The following SETD1A variants were observed in gnomAD, a reference collection of about 807,000 sequenced individuals.
The protein encoded by SETD1A is SET domain containing 1A, histone lysine methyltransferase.
A neutral mutation model predicts 149.9 loss-of-function variants in SETD1A; 29 were observed. The ratio of observed to expected loss-of-function variants is 0.19; its 90% confidence interval spans 0.14 to 0.26. The LOEUF (loss-of-function observed/expected upper bound fraction) is 0.26, where lower values mean the gene tolerates loss of function less well. Ranked by LOEUF, SETD1A falls within the 10% of genes least tolerant of loss-of-function variation. The pLI is 1.00. For synonymous variants in SETD1A, 1,141 were observed against 968.5 expected (o/e 1.18, Z -3.31); for missense variants, 2,109 against 2,353.1 (o/e 0.90, Z 2.15).
chr16:30,975,395 T>C (rs2056273030), intron 13 of SETD1A, among the ~76,000 whole-genome samples: 2 of 151,960 alleles, frequency 1.3e-5, no homozygotes. Flanking sequence ...ATGTTGACAA[T>C]TCATTTTCTC....
rs921976674 is a variant in SETD1A, at chr16:30,980,503, C to A, written c.4427C>A (p.Pro1476Gln). ...VHHTITNLTT[P>Q]KRKRRPQDGP... ...CCTGCACTCACCAACCTGACCACCC[C>A]AAAACGCAAGCGGCGGCCCCAGGAT... Residue 1476 changes from proline (P) to glutamine (Q), a missense_variant, in exon 15 of 19, where the codon CCA (proline) becomes CAA (glutamine). Physicochemically the swap from Pro to Gln is moderately conservative, Grantham distance 76 (BLOSUM62 -1). Transcript: ENST00000262519. This position sits in a 1 kb window ranked among gnomAD's most constrained non-coding sequence, Gnocchi z 7.7. The A allele has an allele frequency of 2.5e-6, 4 of 1,613,714 alleles. No individual in the cohort carries two copies. The highest frequency in any genetic ancestry group is 3.4e-6 in the Non-Finnish European group (4 of 1,179,846).
At chr16:30,969,711 C>T (rs781627771) in intron 12 of SETD1A, 22 bp downstream of exon 12, 9 of 1,597,956 alleles carry the variant, frequency 5.6e-6, no homozygotes, top group Non-Finnish European at 7.7e-6. Context: ...ACAGTGAAAT[C>T]GACTTTGGGC....
rs2056424521 is a variant in SETD1A, at chr16:30,984,225, CT to C, written c.*203del. The C allele has an allele frequency of 1.7e-6, 1 of 576,080 alleles. No homozygotes were observed. The highest frequency in any genetic ancestry group is 3.1e-6 in the Non-Finnish European group (1 of 324,404). The allele number at this position is 576,080 out of a possible 1,614,324, so 35.7% of individuals were successfully genotyped here. On this transcript the variant is annotated 3_prime_UTR_variant, in exon 19 of 19. Transcript: ENST00000262519. Reference sequence around the variant, plus strand: ...TCCTGTCACCCCTGCCCACCACCCCCTGATTGTTTTTCTTTGCGGAGAAGAA... The same window carrying C: ...TCCTGTCACCCCTGCCCACCACCCCCGATTGTTTTTCTTTGCGGAGAAGAA...
At chr16:30,958,621 T>G in intron 1 of SETD1A, 96 bp from the exon 2 acceptor site, 1 of 1,073,802 alleles carries the variant, frequency 9.3e-7, no homozygotes, top group South Asian at 1.4e-5. Context: ...ACTGGAGTGA[T>G]GGGAGAACCT....
rs368580223 is a variant in SETD1A, at chr16:30,966,273, C to A, written c.2392C>A (p.Leu798Met). 31 of 1,613,808 alleles carry A rather than the reference C, an allele frequency of 1.9e-5. No homozygotes were observed. Among genetic ancestry groups the A allele is most frequent in the Non-Finnish European group, 2.6e-5 (31 of 1,180,022 alleles). The change falls in exon 8 of 19, where the codon CTG (leucine) becomes ATG (methionine). Residue 798 changes from leucine to methionine, a missense_variant. Leu to Met is a conservative substitution (Grantham distance 15). Around this residue, in one of 8 missense-constraint regions of SETD1A, gnomAD observed 22 missense variants for 51.3 expected, o/e 0.43. Transcript: ENST00000262519. Reference sequence around the variant, plus strand: ...CACCGTGGGCCGTGTGCTCGCCATGCTGGTCCAGGAGATGAAGAGCATCAT... The same window carrying A: ...CACCGTGGGCCGTGTGCTCGCCATGATGGTCCAGGAGATGAAGAGCATCAT... ...AGTVGRVLAM[L>M]VQEMKSIMQR... is the part of the protein sequence containing the mutation.
At chr16:30,981,261 G>A in intron 17 of SETD1A, 81 bp downstream of exon 17, 1 of 1,567,956 alleles carries the variant, frequency 6.4e-7, no homozygotes, top group Non-Finnish European at 8.7e-7. Context: ...TGTTTGTCCG[G>A]TTAAAGCCTT....
chr16:30,971,774 A>G, intron 13 of SETD1A, 55 bp downstream of exon 13: 2 of 1,500,678 alleles, frequency 1.3e-6, no homozygotes, highest in Non-Finnish European at 8.9e-7. Flanking sequence ...GAGAGAGAGA[A>G]AACAGTGGTG....
intron 10 of SETD1A, 72 bp downstream of exon 10, chr16:30,967,660 G>A: frequency 7.4e-7 from 1 of 1,356,262 alleles, no homozygotes; most frequent in Non-Finnish European, 1.1e-6. Context: ...AGGTAGGGAT[G>A]AAGGGGTCAG....
chr16:30,964,406 A>G lies in SETD1A; in HGVS notation c.869+83A>G, dbSNP rs1364012047. On this transcript the variant is annotated intron_variant, in intron 6 of 18. Coordinates refer to ENST00000262519, the MANE Select transcript of SETD1A (RefSeq NM_014712.3). ...AAGAAGATGCCCAGAGTCTGTCTCC[A>G]AGAGGGAGTTGGAAATAATTTGTCC... The G allele has an allele frequency of 5.9e-6, 8 of 1,363,164 alleles. No homozygotes were observed. The East Asian group carries it at 1.9e-4, about 32-fold the overall frequency. 84.4% of individuals were successfully genotyped at this position (1,363,164 alleles called of 1,614,324 possible). A position where few individuals can be genotyped will look rare whatever the true frequency, so the allele number is the denominator to read the frequency against.
In SETD1A at chr16:30,959,155, G is replaced by T. The variant is rs774708325; in HGVS notation, c.215G>T (p.Arg72Ile). 3 of 1,613,610 alleles carry T rather than the reference G, an allele frequency of 1.9e-6. No individual in the cohort carries two copies. Among genetic ancestry groups the T allele is most frequent in the Non-Finnish European group, 2.5e-6 (3 of 1,179,514 alleles). ...CGTTGCCATGTCAGGTCCAAAAACA[G>T]AGACTTTTCCCTCCCAGTCCCTAAG... ...DPRCHVRSKN[R>I]DFSLPVPKFK... Residue 72 changes from arginine (R) to isoleucine (I), a missense_variant, in exon 3 of 19, where the codon AGA becomes ATA. Arg to Ile is a moderately conservative substitution (Grantham distance 97). Transcript: ENST00000262519.
In SETD1A at chr16:30,969,595, T is replaced by G; in HGVS notation, c.2929-7T>G. On this transcript the variant is annotated splice_region_variant and splice_polypyrimidine_tract_variant and intron_variant, in intron 11 of 18. Transcript: ENST00000262519. ...CCTGTTAGTCCTCATTTGTCTTTTT[T>G]CTTAAGGATGAGGAGGATGACGAGG... 2 of 1,613,820 alleles carry G rather than the reference T, an allele frequency of 1.2e-6. No homozygotes were observed. The highest frequency in any genetic ancestry group is 1.7e-6 in the Non-Finnish European group (2 of 1,179,716).
At chr16:30,959,368 G>A (rs2143451486) in intron 3 of SETD1A, among the ~76,000 whole-genome samples, 182 bp downstream of exon 3, 2 of 152,314 alleles carry the variant, frequency 1.3e-5, no homozygotes, top group South Asian at 4.1e-4. Flanking sequence ...GAAAGGTGCA[G>A]GTCAGGTGTC....
intron 13 of SETD1A, among the ~76,000 whole-genome samples, chr16:30,972,756 AG>A (rs555214124): frequency 5.7e-4 from 85 of 150,276 alleles, no homozygotes; most frequent in Admixed American, 2.1e-3. Flanking sequence ...CGGGAGGCTG[AG>A]GTGGGAGGAT....
In SETD1A at chr16:30,958,798, A is replaced by G; in HGVS notation, c.67A>G (p.Ile23Val). The G allele has an allele frequency of 6.2e-7, 1 of 1,611,274 alleles. No homozygotes were observed. The highest frequency in any genetic ancestry group is 8.5e-7 in the Non-Finnish European group (1 of 1,177,366). Residue 23 changes from isoleucine (I) to valine (V), a missense_variant, in exon 2 of 19, where the codon ATC becomes GTC. Ile to Val is a conservative substitution (Grantham distance 29). This residue lies in a region of SETD1A where 75 missense variants were observed against 95.3 expected (regional missense o/e 0.79). Coordinates refer to ENST00000262519, the MANE Select transcript of SETD1A (RefSeq NM_014712.3). ...PSFQWRNYKLIVDPALDPALR... is the reference protein window; with the variant it reads ...PSFQWRNYKLVVDPALDPALR... ...CTTCCAGTGGCGGAACTACAAGCTCATCGTGGATCCTGCCTTGGACCCTGC... is the reference window on the plus strand; with the variant it reads ...CTTCCAGTGGCGGAACTACAAGCTCGTCGTGGATCCTGCCTTGGACCCTGC...
rs1363790293 is a variant in SETD1A at position 30,979,241 on chromosome 16, C to T, written c.3455C>T (p.Ser1152Phe). ...APAPRPDERP[S>F]SPIPLLPPPK... ...GCCCCACGCCCCGATGAGCGTCCCT[C>T]TTCTCCCATCCCCCTCCTGCCCCCA... The change falls in exon 14 of 19, where the codon TCT becomes TTT. Residue 1152 changes from serine (S) to phenylalanine (F), a missense_variant. Ser to Phe is a radical substitution (Grantham distance 155). Coordinates refer to ENST00000262519, the MANE Select transcript of SETD1A (RefSeq NM_014712.3). 2 of 1,603,138 alleles carry T rather than the reference C, an allele frequency of 1.2e-6. No homozygotes were observed. The highest frequency in any genetic ancestry group is 1.7e-6 in the Non-Finnish European group (2 of 1,173,266).
intron 3 of SETD1A, among the ~76,000 whole-genome samples, chr16:30,959,582 T>C (rs74537589): frequency 0.011 from 1,647 of 152,264 alleles, 32 homozygotes; most frequent in African/African-American, 0.037. Context: ...CATTTGGCGA[T>C]GTCATTTCCC....
chr16:30,970,387 C>T (rs1456982432), intron 12 of SETD1A, among the ~76,000 whole-genome samples: 1 of 151,978 alleles, frequency 6.6e-6, no homozygotes, highest in African/African-American at 2.4e-5. Context: ...CCTGCCTCAG[C>T]CTCCCAAAGC....
In SETD1A at chr16:30,965,589, C is replaced by T; in HGVS notation, c.1720-12C>T. 6.2e-7 allele frequency: 1 copy of T among 1,611,232 alleles called. No homozygotes were observed. The highest frequency in any genetic ancestry group is 2.2e-5 in the East Asian group (1 of 44,846). On this transcript the variant is annotated splice_polypyrimidine_tract_variant and intron_variant, in intron 7 of 18. Coordinates refer to ENST00000262519, the MANE Select transcript of SETD1A (RefSeq NM_014712.3). ...GGCAGAAGCCTTCTGTGACCCTCTT[C>T]TGCCCCCGCAGGCTTCTCCATGCTC...
rs375103791 is a variant in SETD1A, at chr16:30,966,896, G to A, written c.2518G>A (p.Ala840Thr). Residue 840 changes from alanine to threonine, a missense_variant, in exon 9 of 19, where the codon GCG becomes ACG. This residue lies in a region of SETD1A where 832 missense variants were observed against 815.6 expected (regional missense o/e 1.02). Transcript: ENST00000262519. Reference sequence around the variant, plus strand: ...CTGCTGCCTGCAGCCATTCCAGAACGCGGCCAAGCAGCAAGCCAAGGAGGA... The same window carrying A: ...CTGCTGCCTGCAGCCATTCCAGAACACGGCCAAGCAGCAAGCCAAGGAGGA... Reference protein sequence around the residue: ...KEEKAKPFQNAAKQQAKEEDK... With the variant: ...KEEKAKPFQNTAKQQAKEEDK... The A allele has an allele frequency of 6.9e-5, 107 of 1,558,880 alleles. No homozygotes were observed. The highest frequency in any genetic ancestry group is 8.2e-5 in the Non-Finnish European group (95 of 1,151,888).
Sources: gnomAD v4.1 joint callset for allele counts (sites outside exome capture counted in the v4.1 genomes callset) on GRCh38, gnomAD v4.1.1 for gene constraint, gnomAD v4.1.1 regional missense constraint, Gnocchi (gnomAD v3.1) non-coding constraint, MANE v1.5 for transcripts, NCBI Gene and HGNC (gene_info 2026-07-23, HGNC 2026-07-21) for gene names.